The following VPS33B variants were observed in gnomAD, a reference collection of about 807,000 sequenced individuals.
VPS33B encodes VPS33B late endosome and lysosome associated.
In VPS33B, 80 loss-of-function variants were observed where a neutral mutation model predicts 95.3. The observed-to-expected ratio is 0.84, with a 90% CI of 0.70 to 1.01. The LOEUF (loss-of-function observed/expected upper bound fraction) is 1.01, where lower values mean the gene tolerates loss of function less well. Ranked by LOEUF, VPS33B falls within the 50% of genes least tolerant of loss-of-function variation. The pLI is 0.00. For synonymous variants in VPS33B, 280 were observed against 280.4 expected (o/e 1.00, Z 0.01); for missense variants, 715 against 773.4 (o/e 0.92, Z 0.90).
At position 91,018,290 on chromosome 15, in the gene VPS33B, A is replaced by C. The variant is rs2041001580; in HGVS notation, c.97-405T>G. On this transcript the variant is annotated intron_variant, in intron 1 of 22. Coordinates refer to ENST00000333371, the MANE Select transcript of VPS33B (RefSeq NM_018668.5). This position sits in a 1 kb window ranked among gnomAD's most constrained non-coding sequence, Gnocchi z 4.7. ...ACCTTGCATTTTTCTCCTAAGTACA[A>C]AATAAAATAGCACACGTTCACTGCA... 2.6e-5 allele frequency among the ~76,000 whole-genome samples: 4 copies of C among 152,130 alleles called. No homozygotes were observed. Among genetic ancestry groups the C allele is most frequent in the Admixed American group, 2.6e-4 (4 of 15,268 alleles).
intron 6 of VPS33B, among the ~76,000 whole-genome samples, chr15:91,008,608 A>G (rs193109133): frequency 2.2e-3 from 328 of 152,282 alleles, no homozygotes; most frequent in Non-Finnish European, 3.4e-3. Context: ...AGCTGCCTAC[A>G]TGTAGGACTG....
chr15:90,999,538 C>CT lies in VPS33B; in HGVS notation c.1774+138dup. The stretch of plus-strand genomic sequence containing the variant: ...TTCACCATGTTGGTCAGGCTAGGCT[C>CT]TAACTCCTGACCTCAGGTGATCTGC... On this transcript the variant is annotated intron_variant, in intron 22 of 22. Coordinates refer to ENST00000333371, the MANE Select transcript of VPS33B (RefSeq NM_018668.5). The surrounding 1 kb of genome is among the most constrained non-coding windows in gnomAD (Gnocchi z 5.1). The CT allele has an allele frequency of 1.1e-6, 1 of 897,372 alleles. No individual in the cohort carries two copies. The highest frequency in any genetic ancestry group is 1.8e-6 in the Non-Finnish European group (1 of 542,670). 55.6% of individuals were successfully genotyped at this position (897,372 alleles called of 1,614,324 possible).
intron 1 of VPS33B, 61 bp from the exon 2 acceptor site, chr15:91,017,946 G>C: frequency 6.5e-7 from 1 of 1,527,448 alleles, no homozygotes. Context: ...CAGCTGAGAA[G>C]TGGCCCAGCC....
At position 91,015,992 on chromosome 15, in the gene VPS33B, C is replaced by T. The variant is rs1199692024; in HGVS notation, c.239+971G>A. Reference sequence around the variant, plus strand: ...TTAAGTTTCAGAAATACTTTAAAATCAAGACAACAGCTGTACATGACTACA... The same window carrying T: ...TTAAGTTTCAGAAATACTTTAAAATTAAGACAACAGCTGTACATGACTACA... On this transcript the variant is annotated intron_variant, in intron 3 of 22. Transcript: ENST00000333371. This position sits in a 1 kb window ranked among gnomAD's most constrained non-coding sequence, Gnocchi z 4.7. 1.3e-5 allele frequency among the ~76,000 whole-genome samples: 2 copies of T among 151,978 alleles called. No homozygotes were observed. Among genetic ancestry groups the T allele is most frequent in the African/African-American group, 4.8e-5 (2 of 41,352 alleles).
intron 1 of VPS33B, among the ~76,000 whole-genome samples, chr15:91,020,015 G>T (rs1320151773): frequency 6.6e-6 from 1 of 152,036 alleles, no homozygotes; most frequent in Non-Finnish European, 1.5e-5. Flanking sequence ...ATGTTGGTCA[G>T]GCTGGTCTCG....
rs78921701 is a variant in VPS33B at position 91,005,999 on chromosome 15, C to A, written c.913G>T (p.Ala305Ser). Residue 305 changes from alanine to serine, a missense_variant, in exon 12 of 23, where the codon GCC (alanine) becomes TCC (serine). By Grantham distance (99) the Ala-to-Ser change is moderately conservative. Coordinates refer to ENST00000333371, the MANE Select transcript of VPS33B (RefSeq NM_018668.5). This position sits in a 1 kb window ranked among gnomAD's most constrained non-coding sequence, Gnocchi z 6.4. ...SNVFGFLSQK[A>S]RNLQAQYDRR... ...TCATACTGGGCCTGCAAGTTCCGGG[C>A]CTTCTGGCTCAAGAAGCCAAAGACA... 4.3e-6 allele frequency: 7 copies of A among 1,614,158 alleles called. No individual in the cohort carries two copies. The highest frequency in any genetic ancestry group is 5.1e-6 in the Non-Finnish European group (6 of 1,180,026).
intron 1 of VPS33B, among the ~76,000 whole-genome samples, chr15:91,020,284 G>A (rs2041066316): frequency 6.6e-6 from 1 of 152,148 alleles, no homozygotes; most frequent in Non-Finnish European, 1.5e-5. Flanking sequence ...AAGTATCCAT[G>A]GAACTCAGCA....
chr15:91,009,745 A>G lies in VPS33B; in HGVS notation c.403+56T>C. ...GGTGGGGGGGTTGGAGAACAACAACAGTTTTTTCTTCTGTATGTTCTCTTT... is the reference window on the plus strand; with the variant it reads ...GGTGGGGGGGTTGGAGAACAACAACGGTTTTTTCTTCTGTATGTTCTCTTT... On this transcript the variant is annotated intron_variant, in intron 6 of 22. Coordinates refer to ENST00000333371, the MANE Select transcript of VPS33B (RefSeq NM_018668.5). The surrounding 1 kb of genome is among the most constrained non-coding windows in gnomAD (Gnocchi z 4.1). 6.2e-7 allele frequency: 1 copy of G among 1,604,024 alleles called. No homozygotes were observed. Among genetic ancestry groups the G allele is most frequent in the Non-Finnish European group, 8.5e-7 (1 of 1,171,372 alleles).
intron 3 of VPS33B, among the ~76,000 whole-genome samples, 153 bp from the exon 4 acceptor site, chr15:91,014,586 C>T (rs2040872304): frequency 6.6e-6 from 1 of 152,158 alleles, no homozygotes; most frequent in Non-Finnish European, 1.5e-5. Flanking sequence ...CACCATATAC[C>T]AACCACAGAA....
intron 5 of VPS33B, among the ~76,000 whole-genome samples, chr15:91,012,908 T>C (rs951825217): frequency 2.6e-5 from 4 of 152,190 alleles, no homozygotes; most frequent in African/African-American, 4.8e-5. Context: ...TGCTCAAAGT[T>C]GGGGTGGAGT....
chr15:91,021,566 A>G (rs1254965737), intron 1 of VPS33B, among the ~76,000 whole-genome samples: 4 of 152,204 alleles, frequency 2.6e-5, no homozygotes, highest in Admixed American at 6.5e-5. Flanking sequence ...CATGCCACAA[A>G]TGGAAAAAAA....
rs1025317526 is a variant in VPS33B at position 91,002,772 on chromosome 15, A to C, written c.1272+313T>G. On this transcript the variant is annotated intron_variant, in intron 17 of 22. Coordinates refer to ENST00000333371, the MANE Select transcript of VPS33B (RefSeq NM_018668.5). This position sits in a 1 kb window ranked among gnomAD's most constrained non-coding sequence, Gnocchi z 4.7. Reference sequence around the variant, plus strand: ...AAGACTTGAGAAGTACCAGGAAGGAAAGCTGAATCAATGCCTCACACGGTG... The same window carrying C: ...AAGACTTGAGAAGTACCAGGAAGGACAGCTGAATCAATGCCTCACACGGTG... 3.9e-5 allele frequency among the ~76,000 whole-genome samples: 6 copies of C among 152,206 alleles called. No homozygotes were observed. The highest frequency in any genetic ancestry group is 1.4e-4 in the African/African-American group (6 of 41,460).
rs1177900366 is a variant in VPS33B at position 91,018,690 on chromosome 15, CA to C, written c.97-806del. Reference sequence around the variant, plus strand: ...TTACTGGCATCTTGTGGGTAGAGGCCAGGGGTGCTGCTAGACATCCAACAAT... The same window carrying C: ...TTACTGGCATCTTGTGGGTAGAGGCCGGGGTGCTGCTAGACATCCAACAAT... On this transcript the variant is annotated intron_variant, in intron 1 of 22. Transcript: ENST00000333371. The surrounding 1 kb of genome is among the most constrained non-coding windows in gnomAD (Gnocchi z 4.7). 2.6e-5 allele frequency among the ~76,000 whole-genome samples: 4 copies of C among 152,154 alleles called. No individual in the cohort carries two copies. The highest frequency in any genetic ancestry group is 5.9e-5 in the Non-Finnish European group (4 of 68,028).
Position 91,002,238 on chromosome 15 carries a change from T to C in VPS33B, c.1273-56A>G. On this transcript the variant is annotated intron_variant, in intron 17 of 22. Transcript: ENST00000333371. This position sits in a 1 kb window ranked among gnomAD's most constrained non-coding sequence, Gnocchi z 4.7. Reference sequence around the variant, plus strand: ...AGTGTCCAAAGAGCATCTAGTACTGTCAGGTACTACAGAGTTGAGCAGAAG... The same window carrying C: ...AGTGTCCAAAGAGCATCTAGTACTGCCAGGTACTACAGAGTTGAGCAGAAG... The C allele has an allele frequency of 6.2e-7, 1 of 1,603,590 alleles. No individual in the cohort carries two copies. The highest frequency in any genetic ancestry group is 1.1e-5 in the South Asian group (1 of 90,048).
At position 90,999,954 on chromosome 15, in the gene VPS33B, G is replaced by C. The variant is rs1382094032; in HGVS notation, c.1603C>G (p.Gln535Glu). The change falls in exon 21 of 23, where the codon CAG (glutamine) becomes GAG (glutamate). Residue 535 changes from glutamine to glutamate, a missense_variant. Transcript: ENST00000333371. This position sits in a 1 kb window ranked among gnomAD's most constrained non-coding sequence, Gnocchi z 5.1. Reference sequence around the variant, plus strand: ...AGCCGTACCACCTCATCAAGGCCCTGCCAGCTTCGCCGCTCTAGCACCTGG... The same window carrying C: ...AGCCGTACCACCTCATCAAGGCCCTCCCAGCTTCGCCGCTCTAGCACCTGG... ...IEQVLERRSW[Q>E]GLDEVVRLLN... is the part of the protein sequence containing the mutation. The C allele has an allele frequency of 6.2e-7, 1 of 1,614,094 alleles. No homozygotes were observed. The highest frequency in any genetic ancestry group is 1.3e-5 in the African/African-American group (1 of 74,938).
In VPS33B at chr15:91,005,430, A is replaced by G. The variant is rs773144367; in HGVS notation, c.1055T>C (p.Met352Thr). The change falls in exon 14 of 23, where the codon ATG becomes ACG. Residue 352 changes from methionine to threonine, a missense_variant. Coordinates refer to ENST00000333371, the MANE Select transcript of VPS33B (RefSeq NM_018668.5). This position sits in a 1 kb window ranked among gnomAD's most constrained non-coding sequence, Gnocchi z 6.4. ...GAAATCCTGCTTGGTTTTCTTCTTC[A>G]TGATGGATTCACAGGCCCCAATATC... Reference protein sequence around the residue: ...SLHIGACESIMKKKTKQDFQE... With the variant: ...SLHIGACESITKKKTKQDFQE... 13 of 1,613,960 alleles carry G rather than the reference A, an allele frequency of 8.1e-6. No homozygotes were observed. Among genetic ancestry groups the G allele is most frequent in the African/African-American group, 4.0e-5 (3 of 74,902 alleles).
chr15:91,016,682 C>T (rs778645006), intron 3 of VPS33B, among the ~76,000 whole-genome samples: 5 of 152,180 alleles, frequency 3.3e-5, no homozygotes, highest in Non-Finnish European at 7.3e-5. Context: ...CCGCACCCAG[C>T]TGCCTTGCAG....
rs145931165 is a variant in VPS33B at position 91,011,539 on chromosome 15, G to C, written c.358-1693C>G. On this transcript the variant is annotated intron_variant, in intron 5 of 22. Coordinates refer to ENST00000333371, the MANE Select transcript of VPS33B (RefSeq NM_018668.5). The surrounding 1 kb of genome is among the most constrained non-coding windows in gnomAD (Gnocchi z 5.5). ...ATTAACAAAGGAGTCTCAAAGAAGA[G>C]AGAGAGATGCCTCCTAATATAAAAT... Among the ~76,000 whole-genome samples the C allele has an allele frequency of 6.6e-6, 1 of 152,340 alleles. No individual in the cohort carries two copies. Among genetic ancestry groups the C allele is most frequent in the East Asian group, 1.9e-4 (1 of 5,190 alleles).
chr15:91,007,110 G>A lies in VPS33B; in HGVS notation c.604-64C>T. 1 of 1,565,716 alleles carries A rather than the reference G, an allele frequency of 6.4e-7. No homozygotes were observed. On this transcript the variant is annotated intron_variant, in intron 8 of 22. Transcript: ENST00000333371. This position sits in a 1 kb window ranked among gnomAD's most constrained non-coding sequence, Gnocchi z 5.3. Reference sequence around the variant, plus strand: ...TCCCTACTGCAGCCCCATACCTACAGAAGTCAGCCCTTTCCACGTGATACT... The same window carrying A: ...TCCCTACTGCAGCCCCATACCTACAAAAGTCAGCCCTTTCCACGTGATACT...
Sources: gnomAD v4.1 joint callset for allele counts (sites outside exome capture counted in the v4.1 genomes callset) on GRCh38, gnomAD v4.1.1 for gene constraint, Gnocchi (gnomAD v3.1) non-coding constraint, MANE v1.5 for transcripts, NCBI Gene and HGNC (gene_info 2026-07-23, HGNC 2026-07-21) for gene names.